SPON1: variants seen among roughly 807,000 people sequenced by gnomAD.
SPON1 encodes the protein spondin-1.
Under a neutral mutation model 111.7 loss-of-function variants are expected in SPON1, and 52 were observed. That is an observed-to-expected ratio of 0.47 (90% CI 0.37 to 0.59). SPON1 has a LOEUF of 0.59. Among genes scored for constraint, SPON1 ranks in the 20% least tolerant of loss-of-function variants. The pLI is 0.00. For missense variants in SPON1, 957 were observed against 1,068.5 expected (o/e 0.90, Z 1.46); for synonymous variants, 410 against 395.8 (o/e 1.04, Z -0.43).
chr11:14,254,469 TCA>T, intron 7 of SPON1, 57 bp from the exon 8 acceptor site: 1 of 1,441,774 alleles, frequency 6.9e-7, no homozygotes, highest in Non-Finnish European at 9.4e-7. Context: ...CAGATTTCCC[TCA>T]GAGTGAGGAC....
intron 2 of SPON1, among the ~76,000 whole-genome samples, chr11:14,012,808 A>G (rs1199351284): frequency 2.0e-5 from 3 of 151,792 alleles, no homozygotes; most frequent in African/African-American, 2.4e-5. Flanking sequence ...TGTTTTAATC[A>G]TCTTGGACTC....
chr11:14,116,405 A>C (rs1430201182), intron 5 of SPON1, among the ~76,000 whole-genome samples: 1 of 152,022 alleles, frequency 6.6e-6, no homozygotes, highest in Non-Finnish European at 1.5e-5. Flanking sequence ...TCTGTAATTG[A>C]ATTTGTGTAT....
At chr11:14,176,249 G>A (rs782804083) in intron 6 of SPON1, among the ~76,000 whole-genome samples, 2 of 152,122 alleles carry the variant, frequency 1.3e-5, no homozygotes, top group Non-Finnish European at 2.9e-5. Flanking sequence ...ACACAAAGAT[G>A]AGACAGACAG....
At chr11:14,230,764 T>TTTCCTTCCTTCCTTCC (rs57121403) in intron 6 of SPON1, among the ~76,000 whole-genome samples, 49 of 112,530 alleles carry the variant, frequency 4.4e-4, no homozygotes, top group African/African-American at 1.6e-3. Context: ...TCTCTCTCTC[T>TTTCCTTCCTTCCTTCC]TTCCTTCCTT....
chr11:14,114,212 C>G (rs1554925765), intron 5 of SPON1, among the ~76,000 whole-genome samples: 5 of 152,170 alleles, frequency 3.3e-5, no homozygotes, highest in Non-Finnish European at 5.9e-5. Context: ...CCCCTACTAG[C>G]CTTCCCAGCC....
chr11:14,165,356 T>C (rs570892621), intron 6 of SPON1, among the ~76,000 whole-genome samples: 1 of 152,302 alleles, frequency 6.6e-6, no homozygotes, highest in East Asian at 1.9e-4. Flanking sequence ...CGTCGATCAC[T>C]CTGGCTTCTT....
chr11:14,142,857 A>G (rs1177783859), intron 6 of SPON1, among the ~76,000 whole-genome samples: 5 of 152,228 alleles, frequency 3.3e-5, no homozygotes, highest in Admixed American at 6.5e-5. Flanking sequence ...GCAGAGTACA[A>G]AAACCCTCAC....
At chr11:14,029,542 TGA>T (rs1174123339) in intron 2 of SPON1, among the ~76,000 whole-genome samples, 4 of 152,120 alleles carry the variant, frequency 2.6e-5, no homozygotes, top group Non-Finnish European at 5.9e-5. Flanking sequence ...CTCAGCAAAG[TGA>T]GAGAGTCCTC....
intron 6 of SPON1, among the ~76,000 whole-genome samples, chr11:14,216,244 G>A (rs1217268335): frequency 2.0e-5 from 3 of 152,184 alleles, no homozygotes; most frequent in African/African-American, 4.8e-5. Context: ...AATGAAGTTG[G>A]CATCTGTGGT....
At chr11:14,115,310 T>G (rs891929015) in intron 5 of SPON1, among the ~76,000 whole-genome samples, 1 of 152,130 alleles carries the variant, frequency 6.6e-6, no homozygotes, top group South Asian at 2.1e-4. Flanking sequence ...CACAGAAAAG[T>G]GGGTAAATTG....
intron 3 of SPON1, among the ~76,000 whole-genome samples, chr11:14,057,519 G>A (rs1320292205): frequency 2.0e-5 from 3 of 152,008 alleles, no homozygotes; most frequent in Admixed American, 6.5e-5. Context: ...ATATATCAAT[G>A]TTATCTAATC....
Position 14,259,717 on chromosome 11 carries a change from G to A in SPON1, c.1831+16G>A, listed in dbSNP as rs781835218. ...CCAGAGTGCCGTGAGTGAGAGCGGG[G>A]GTGGACTTGGAGGAGGCCACTGGGG... On this transcript the variant is annotated intron_variant, in intron 13 of 15. Transcript: ENST00000576479. The surrounding 1 kb of genome is among the most constrained non-coding windows in gnomAD (Gnocchi z 5.0). The A allele has an allele frequency of 8.9e-6, 14 of 1,564,358 alleles. No homozygotes were observed. The South Asian group carries it at 1.7e-4, about 19-fold the overall frequency.
intron 7 of SPON1, among the ~76,000 whole-genome samples, chr11:14,245,251 C>T (rs76274393): frequency 6.6e-5 from 10 of 152,234 alleles, no homozygotes; most frequent in East Asian, 3.9e-4. Context: ...AGGGAAGCTA[C>T]GGCGAGGCAC....
chr11:14,251,430 A>G (rs1849052934), intron 7 of SPON1, among the ~76,000 whole-genome samples: 1 of 152,216 alleles, frequency 6.6e-6, no homozygotes, highest in Non-Finnish European at 1.5e-5. Flanking sequence ...TGATTTCCAC[A>G]AGGCCTTGGT....
chr11:13,969,646 A>G (rs565293028), intron 1 of SPON1, among the ~76,000 whole-genome samples: 3 of 152,350 alleles, frequency 2.0e-5, no homozygotes, highest in East Asian at 3.9e-4. Flanking sequence ...GGATGGGACT[A>G]CAGGGCTAGA....
At chr11:14,002,182 C>A (rs1554912516) in intron 2 of SPON1, among the ~76,000 whole-genome samples, 1 of 152,162 alleles carries the variant, frequency 6.6e-6, no homozygotes, top group Admixed American at 6.5e-5. Context: ...ATAGTAATAT[C>A]TTCCTTATAG....
At chr11:14,048,900 C>T (rs1238359454) in intron 3 of SPON1, among the ~76,000 whole-genome samples, 2 of 152,274 alleles carry the variant, frequency 1.3e-5, no homozygotes, top group East Asian at 3.9e-4. Context: ...AGATGTAGAT[C>T]ATCCGTCTCC....
rs77947190 is a variant in SPON1, at chr11:14,227,862, G to A, written c.826-15470G>A. On this transcript the variant is annotated intron_variant, in intron 6 of 15. Transcript: ENST00000576479. Reference sequence around the variant, plus strand: ...AAAATTAAATAATTCCCAAACCTGCGTAATGTATAGATCTCTTTTAAAGGG... The same window carrying A: ...AAAATTAAATAATTCCCAAACCTGCATAATGTATAGATCTCTTTTAAAGGG... Among the ~76,000 whole-genome samples, 1,499 of 152,192 alleles carry A rather than the reference G, an allele frequency of 9.8e-3. 21 individuals are homozygous for A. Among genetic ancestry groups the A allele is most frequent in the African/African-American group, 0.034 (1,398 of 41,506 alleles).
chr11:14,122,328 C>G (rs1169128127), intron 5 of SPON1, among the ~76,000 whole-genome samples: 1 of 152,158 alleles, frequency 6.6e-6, no homozygotes, highest in Non-Finnish European at 1.5e-5. Flanking sequence ...CGCCCGCCAC[C>G]AGGCCTGGCT....
Sources: gnomAD v4.1 joint callset for allele counts (sites outside exome capture counted in the v4.1 genomes callset) on GRCh38, gnomAD v4.1.1 for gene constraint, Gnocchi (gnomAD v3.1) non-coding constraint, MANE v1.5 for transcripts, NCBI Gene and HGNC (gene_info 2026-07-23, HGNC 2026-07-21) for gene names.